KDM6A: variants seen among roughly 807,000 people sequenced by gnomAD.
KDM6A encodes the protein lysine demethylase 6A.
KDM6A carries 11 observed loss-of-function variants against 117.6 expected under a neutral mutation model. The observed-to-expected ratio is 0.09, with a 90% confidence interval of 0.06 to 0.15. The LOEUF (loss-of-function observed/expected upper bound fraction) is 0.15. KDM6A is among the 10% of genes least tolerant of loss of function. KDM6A has a pLI of 1.00. For missense variants in KDM6A, 799 were observed against 1,077.3 expected, an observed-to-expected ratio of 0.74 and a Z score of 3.62; for synonymous variants, 384 against 396.1, an observed-to-expected ratio of 0.97 and a Z score of 0.36.
intron 4 of KDM6A, among the ~76,000 whole-genome samples, chrX:44,985,127 C>T (rs1377787997): frequency 8.2e-5 from 9 of 110,412 alleles, no homozygotes; most frequent in East Asian, 2.8e-4. Context: ...AGGTCCTTCA[C>T]GTCCCTTGTA....
intron 4 of KDM6A, among the ~76,000 whole-genome samples, chrX:44,985,754 G>GA (rs2040185261): frequency 8.9e-6 from 1 of 111,851 alleles, no homozygotes; most frequent in African/African-American, 3.3e-5. Flanking sequence ...TCCCAGGGAT[G>GA]AAGCCCACTT....
intron 10 of KDM6A, among the ~76,000 whole-genome samples, chrX:45,057,039 A>C (rs1156689411): frequency 9.0e-6 from 1 of 111,422 alleles, no homozygotes; most frequent in Non-Finnish European, 1.9e-5. Flanking sequence ...TCTCTGTCTC[A>C]ATCACGGACA....
intron 5 of KDM6A, among the ~76,000 whole-genome samples, chrX:45,015,487 A>G (rs1293630606): frequency 1.8e-5 from 2 of 110,060 alleles, no homozygotes; most frequent in Admixed American, 9.7e-5. Flanking sequence ...AGGAATTTCT[A>G]CTCTCCTGTA....
At chrX:45,043,897 A>G (rs2043408087) in intron 8 of KDM6A, among the ~76,000 whole-genome samples, 3 of 112,664 alleles carry the variant, frequency 2.7e-5, no homozygotes. Flanking sequence ...AAAGGATCAC[A>G]TATATGATGG....
At chrX:44,987,885 C>T (rs978124387) in intron 4 of KDM6A, among the ~76,000 whole-genome samples, 2 of 110,693 alleles carry the variant, frequency 1.8e-5, no homozygotes, top group African/African-American at 6.6e-5. Flanking sequence ...CATTATGTGT[C>T]TTGGAGTTGC....
At chrX:45,040,198 T>A (rs1400513664) in intron 8 of KDM6A, among the ~76,000 whole-genome samples, 113 of 92,570 alleles carry the variant, frequency 1.2e-3, no homozygotes, top group African/African-American at 4.3e-3. Context: ...GGCTCCTTAC[T>A]TCCCAGTAGG....
chrX:44,918,134 G>A (rs2035676960), intron 2 of KDM6A, among the ~76,000 whole-genome samples: 1 of 111,036 alleles, frequency 9.0e-6, no homozygotes, highest in Admixed American at 9.6e-5. Context: ...TTCCTTATGT[G>A]TATTTTTTCT....
intron 3 of KDM6A, among the ~76,000 whole-genome samples, chrX:44,968,708 C>T (rs1403775162): frequency 8.9e-6 from 1 of 112,148 alleles, no homozygotes; most frequent in Non-Finnish European, 1.9e-5. Flanking sequence ...CAGTGGCTCA[C>T]TCCTTTAATC....
chrX:44,945,475 A>G (rs144979871), intron 2 of KDM6A, among the ~76,000 whole-genome samples: 107 of 110,931 alleles, frequency 9.6e-4, no homozygotes, highest in African/African-American at 3.2e-3. Flanking sequence ...GTAATGCCTT[A>G]TAGAGTGGAT....
intron 2 of KDM6A, among the ~76,000 whole-genome samples, chrX:44,896,706 G>A (rs1245751535): frequency 4.8e-5 from 5 of 104,238 alleles, no homozygotes; most frequent in African/African-American, 7.0e-5. Flanking sequence ...GTTTTTCTGA[G>A]ACTGTCTTAT....
At chrX:44,984,889 A>G (rs1383662720) in intron 4 of KDM6A, among the ~76,000 whole-genome samples, 4 of 111,345 alleles carry the variant, frequency 3.6e-5, no homozygotes, top group Non-Finnish European at 5.6e-5. Flanking sequence ...TGACTTGGCA[A>G]CGCGGGCTCT....
At chrX:44,891,754 G>A (rs2033384994) in intron 2 of KDM6A, among the ~76,000 whole-genome samples, 2 of 111,924 alleles carry the variant, frequency 1.8e-5, no homozygotes, top group East Asian at 5.6e-4. Context: ...GTTTCCATTG[G>A]CTGGAACGGG....
chrX:45,021,331 C>T (rs1360279860), intron 6 of KDM6A, among the ~76,000 whole-genome samples: 1 of 111,704 alleles, frequency 9.0e-6, no homozygotes, highest in Non-Finnish European at 1.9e-5. Context: ...CTATCTGAAC[C>T]ATCAATTTAG....
chrX:45,062,186 T>C lies in KDM6A; in HGVS notation c.1582-461T>C, dbSNP rs193037639. ...TTTTACAGACTTCTGCATGTCAATA[T>C]GTGAAGAGCTTCCTTGTTCTTTTAT... is the stretch of plus-strand genomic sequence containing the variant. On this transcript the variant is annotated intron_variant, in intron 15 of 29. Transcript: ENST00000611820. 1.9e-3 allele frequency among the ~76,000 whole-genome samples: 210 copies of C among 111,947 alleles called. 1 individual carries two copies. The highest frequency in any genetic ancestry group is 6.5e-3 in the African/African-American group (202 of 30,893).
In KDM6A at chrX:45,009,695, A is replaced by G. The variant is rs770610533; in HGVS notation, c.385-1266A>G. Among the ~76,000 whole-genome samples the G allele has an allele frequency of 4.5e-5, 5 of 111,771 alleles. No homozygotes were observed. The South Asian group carries it at 1.5e-3, about 34-fold the overall frequency. ...TCAACTAATGAATTACAGAAGTTGT[A>G]GTATAATTACCCTAGTTCCTTCATA... On this transcript the variant is annotated intron_variant, in intron 4 of 29. Transcript: ENST00000611820.
rs2039087319 is a variant in KDM6A, at chrX:44,967,411, A to G, written c.334+6019A>G. ...ATTTTTAGAGAACACATTATAAACCATAACTTCCTGGGAGTAAACCATGTA... is the reference window on the plus strand; with the variant it reads ...ATTTTTAGAGAACACATTATAAACCGTAACTTCCTGGGAGTAAACCATGTA... On this transcript the variant is annotated intron_variant, in intron 3 of 29. Coordinates refer to ENST00000611820, the MANE Select transcript of KDM6A (RefSeq NM_001291415.2). Among the ~76,000 whole-genome samples, 3 of 111,686 alleles carry G rather than the reference A, an allele frequency of 2.7e-5. No homozygotes were observed. In the Admixed American group the frequency reaches 2.9e-4, roughly 11 times the overall value.
At chrX:45,061,538 C>A in intron 15 of KDM6A, 119 bp downstream of exon 15, 1 of 371,227 alleles carries the variant, frequency 2.7e-6, no homozygotes, top group Non-Finnish European at 4.5e-6. Context: ...GTCACCCAGG[C>A]TGGAGTATAG....
intron 26 of KDM6A, among the ~76,000 whole-genome samples, chrX:45,090,487 T>G (rs2045847241): frequency 8.9e-6 from 1 of 111,771 alleles, no homozygotes; most frequent in Non-Finnish European, 1.9e-5. Context: ...GAAGAGTAAA[T>G]GAGATAATGG....
intron 2 of KDM6A, among the ~76,000 whole-genome samples, chrX:44,879,293 A>G (rs1156588236): frequency 2.7e-5 from 3 of 112,412 alleles, no homozygotes; most frequent in Non-Finnish European, 5.6e-5. Context: ...AATGACTGCT[A>G]ACACTGCATT....
Sources: gnomAD v4.1 joint callset for allele counts (sites outside exome capture counted in the v4.1 genomes callset) on GRCh38, gnomAD v4.1.1 for gene constraint, MANE v1.5 for transcripts, NCBI Gene and HGNC (gene_info 2026-07-23, HGNC 2026-07-21) for gene names.